RSAD1: variants seen among roughly 807,000 people sequenced by gnomAD.
RSAD1 encodes radical S-adenosyl methionine domain containing 1, also known as radical S-adenosyl methionine domain-containing protein 1, mitochondrial.
RSAD1 carries 34 observed loss-of-function variants against 46.2 expected under a neutral mutation model. That is an observed-to-expected ratio of 0.74 (90% CI 0.56 to 0.98). The LOEUF is 0.98. Among genes scored for constraint, RSAD1 ranks in the 50% least tolerant of loss-of-function variants. RSAD1 has a pLI of 0.00. For synonymous variants in RSAD1, 260 were observed against 253.5 expected (o/e 1.03, Z -0.24); for missense variants, 635 against 592.3 (o/e 1.07, Z -0.75).
At chr17:50,481,503 A>C (rs1598443866) in intron 3 of RSAD1, among the ~76,000 whole-genome samples, 1 of 152,260 alleles carries the variant, frequency 6.6e-6, no homozygotes, top group South Asian at 2.1e-4. Context: ...AAATAACCAC[A>C]TGTGGCTACT....
chr17:50,479,020 G>A lies in RSAD1; in HGVS notation c.135+1G>A, dbSNP rs1315754959. The A allele has an allele frequency of 5.2e-6, 7 of 1,348,990 alleles. No homozygotes were observed. In the African/African-American group the frequency reaches 9.1e-5, roughly 18 times the overall value. 83.6% of individuals were successfully genotyped at this position (1,348,990 alleles called of 1,614,324 possible). A position where few individuals can be genotyped will look rare whatever the true frequency, so the allele number is the denominator to read the frequency against. On this transcript the variant is annotated splice_donor_variant, in intron 1 of 8. Coordinates refer to ENST00000258955, the MANE Select transcript of RSAD1 (RefSeq NM_018346.3). LOFTEE classifies it high-confidence loss of function. ...CCGGCGCGCGGCGCTTTACGTACAC[G>A]TGAGTAGGGGCGGGGGCGGAGCCCA...
In RSAD1 at chr17:50,482,454, A is replaced by G; in HGVS notation, c.838A>G (p.Asn280Asp). 6.3e-7 allele frequency: 1 copy of G among 1,590,240 alleles called. No homozygotes were observed. The highest frequency in any genetic ancestry group is 2.2e-5 in the East Asian group (1 of 44,748). Residue 280 changes from asparagine to aspartate, a missense_variant and splice_region_variant, in exon 4 of 9, where the codon AAT (asparagine) becomes GAT (aspartate). Asn to Asp is a conservative substitution (Grantham distance 23). Coordinates refer to ENST00000258955, the MANE Select transcript of RSAD1 (RefSeq NM_018346.3). ...GTATGAGGTCTCCAACTTTGCCCGG[A>G]ATGTAAGTTCTGGGGCTGATGGCTG... ...HQYEVSNFAR[N>D]GALSTHNWTY...
intron 4 of RSAD1, 67 bp from the exon 5 acceptor site, chr17:50,482,576 C>T: frequency 1.2e-6 from 2 of 1,612,834 alleles, no homozygotes; most frequent in African/African-American, 1.3e-5. Flanking sequence ...TAACCTGGGG[C>T]CCCTTACCTG....
chr17:50,484,292 T>A (rs1182784741), intron 7 of RSAD1, 150 bp from the exon 8 acceptor site: 1 of 639,550 alleles, frequency 1.6e-6, no homozygotes, highest in Non-Finnish European at 2.7e-6. Context: ...TCCTCCCTGC[T>A]GGCCCATTGG....
At chr17:50,482,007 C>A in intron 3 of RSAD1, 84 bp from the exon 4 acceptor site, 1 of 1,446,408 alleles carries the variant, frequency 6.9e-7, no homozygotes, top group South Asian at 1.5e-5. Flanking sequence ...CTGCGTTCTC[C>A]CTGTATCTGT....
At chr17:50,484,592 G>C (rs1225851237) in intron 8 of RSAD1, 47 bp downstream of exon 8, 7 of 1,584,706 alleles carry the variant, frequency 4.4e-6, no homozygotes, top group Non-Finnish European at 6.1e-6. Flanking sequence ...ATACCAGGGA[G>C]CCCTGACTAC....
chr17:50,483,840 C>G (rs146980410), intron 7 of RSAD1, 80 bp downstream of exon 7: 3 of 1,333,384 alleles, frequency 2.2e-6, no homozygotes, highest in Non-Finnish European at 3.1e-6. Context: ...ACCCCCCCCA[C>G]ACACATATAC....
chr17:50,479,548 G>GTGGGGT, intron 1 of RSAD1, 81 bp from the exon 2 acceptor site: 1 of 1,571,490 alleles, frequency 6.4e-7, no homozygotes, highest in Non-Finnish European at 8.7e-7. Context: ...AGGGGTGGGG[G>GTGGGGT]TGGGGTTGGG....
chr17:50,479,223 G>C, intron 1 of RSAD1: 1 of 541,484 alleles, frequency 1.8e-6, no homozygotes, highest in Non-Finnish European at 2.9e-6. Flanking sequence ...GCTACTCACC[G>C]GCTCGGTGAC....
intron 4 of RSAD1, 62 bp from the exon 5 acceptor site, chr17:50,482,581 T>TA (rs2033394973): frequency 6.2e-7 from 1 of 1,610,540 alleles, no homozygotes; most frequent in Non-Finnish European, 8.5e-7. Context: ...TGGGGCCCCT[T>TA]ACCTGAGTCT....
intron 3 of RSAD1, 125 bp downstream of exon 3, chr17:50,480,209 G>T (rs1204390339): frequency 1.1e-6 from 1 of 906,256 alleles, no homozygotes; most frequent in Non-Finnish European, 1.8e-6. Context: ...ACACAGTAGG[G>T]CCTAGTGCGA....
Position 50,483,367 on chromosome 17 carries a change from G to A in RSAD1, c.932G>A (p.Gly311Glu), listed in dbSNP as rs866443127. Residue 311 changes from glycine to glutamate, a missense_variant, in exon 6 of 9, where the codon GGG (glycine) becomes GAG (glutamate). Transcript: ENST00000258955. ...GCCCATGGACGATTTATGCCCCAGG[G>A]GGCTGGAGGCCACACCCGGGAGGCT... ...PGAHGRFMPQ[G>E]AGGHTREARI... The A allele has an allele frequency of 2.5e-6, 4 of 1,613,990 alleles. No individual in the cohort carries two copies. Among genetic ancestry groups the A allele is most frequent in the African/African-American group, 2.7e-5 (2 of 75,020 alleles).
In RSAD1 at chr17:50,482,451, C is replaced by T. The variant is rs780475745; in HGVS notation, c.835C>T (p.Arg279Trp). 2.2e-5 allele frequency: 35 copies of T among 1,588,572 alleles called. No individual in the cohort carries two copies. Among genetic ancestry groups the T allele is most frequent in the South Asian group, 1.7e-4 (15 of 88,448 alleles). The change falls in exon 4 of 9, where the codon CGG (arginine) becomes TGG (tryptophan). Residue 279 changes from arginine (R) to tryptophan (W), a missense_variant. Physicochemically the swap from Arg to Trp is moderately radical, Grantham distance 101. Transcript: ENST00000258955. The part of the protein sequence containing the change: ...FHQYEVSNFA[R>W]NGALSTHNWT... ...CCAGTATGAGGTCTCCAACTTTGCC[C>T]GGAATGTAAGTTCTGGGGCTGATGG...
At chr17:50,479,176 G>A in intron 1 of RSAD1, 157 bp downstream of exon 1, 1 of 799,556 alleles carries the variant, frequency 1.3e-6, no homozygotes, top group Non-Finnish European at 1.7e-6. Flanking sequence ...CTGTGCTTTG[G>A]CAGGGAAATG....
chr17:50,484,366 C>T (rs1045740264), intron 7 of RSAD1, 76 bp from the exon 8 acceptor site: 4 of 1,332,214 alleles, frequency 3.0e-6, no homozygotes, highest in Non-Finnish European at 4.2e-6. Flanking sequence ...CCCTCCCCCA[C>T]CTCTCACCAT....
At chr17:50,483,259 T>A in intron 5 of RSAD1, 81 bp from the exon 6 acceptor site, 1 of 1,429,180 alleles carries the variant, frequency 7.0e-7, no homozygotes. Flanking sequence ...AGGCAGTTGC[T>A]CCAGGGACCA....
chr17:50,480,160 T>C (rs1443399001), intron 3 of RSAD1, 76 bp downstream of exon 3: 12 of 1,483,482 alleles, frequency 8.1e-6, no homozygotes, highest in Non-Finnish European at 1.1e-5. Context: ...CATTCATTCA[T>C]TGGGCAAACA....
chr17:50,482,631 C>T lies in RSAD1; in HGVS notation c.841-12C>T, dbSNP rs773919901. ...CCCTCTTCACTCTGCACTATTTCCT[C>T]CCTCCCCGCAGGGGGCGCTCAGTAC... is the stretch of plus-strand genomic sequence containing the variant. On this transcript the variant is annotated splice_polypyrimidine_tract_variant and intron_variant, in intron 4 of 8. Coordinates refer to ENST00000258955, the MANE Select transcript of RSAD1 (RefSeq NM_018346.3). 3.1e-6 allele frequency: 5 copies of T among 1,614,066 alleles called. No individual in the cohort carries two copies. Among genetic ancestry groups the T allele is most frequent in the Middle Eastern group, 1.6e-4 (1 of 6,062 alleles).
rs1367858809 is a variant in RSAD1 at position 50,479,408 on chromosome 17, A to T, written c.136-221A>T. 3 of 557,970 alleles carry T rather than the reference A, an allele frequency of 5.4e-6. No homozygotes were observed. The Admixed American group carries it at 1.1e-4, about 20-fold the overall frequency. The allele number at this position is 557,970 out of a possible 1,614,324, so 34.6% of individuals were successfully genotyped here. A position where few individuals can be genotyped will look rare whatever the true frequency, so the allele number is the denominator to read the frequency against. On this transcript the variant is annotated intron_variant, in intron 1 of 8. Coordinates refer to ENST00000258955, the MANE Select transcript of RSAD1 (RefSeq NM_018346.3). ...TTCCTTCCTGACGTCTGCTGGTTGG[A>T]AGAGGCAGCGTAACAAAGGAGTGAG...
Sources: gnomAD v4.1 joint callset for allele counts (sites outside exome capture counted in the v4.1 genomes callset) on GRCh38, gnomAD v4.1.1 for gene constraint, MANE v1.5 for transcripts, NCBI Gene and HGNC (gene_info 2026-07-23, HGNC 2026-07-21) for gene names.